ZC4H2: variants seen among roughly 807,000 people sequenced by gnomAD.
ZC4H2 encodes zinc finger C4H2 domain-containing protein.
For synonymous variants in ZC4H2, 84 were observed against 66.3 expected (o/e 1.27, Z -1.30); for missense variants, 137 against 173.9 (o/e 0.79, Z 1.19).
At chrX:64,993,339 T>G (rs1932346971) in intron 1 of ZC4H2, among the ~76,000 whole-genome samples, 1 of 111,799 alleles carries the variant, frequency 8.9e-6, no homozygotes, top group South Asian at 3.8e-4. Context: ...GATTTATTGA[T>G]TTTAGATCTT....
intron 1 of ZC4H2, among the ~76,000 whole-genome samples, chrX:64,941,395 G>C (rs979505729): frequency 9.0e-6 from 1 of 111,564 alleles, no homozygotes; most frequent in African/African-American, 3.3e-5. Flanking sequence ...TCCTTCTCTT[G>C]CCTGATTGCC....
intron 1 of ZC4H2, among the ~76,000 whole-genome samples, chrX:64,969,741 C>T: frequency 1.8e-5 from 2 of 111,805 alleles, no homozygotes; most frequent in Admixed American, 9.5e-5. Flanking sequence ...TAACCTCCTG[C>T]ATGGTCAAGT....
At chrX:64,965,688 C>A (rs1931561691) in intron 1 of ZC4H2, among the ~76,000 whole-genome samples, 1 of 110,817 alleles carries the variant, frequency 9.0e-6, no homozygotes, top group South Asian at 3.8e-4. Flanking sequence ...ATAATCAGAA[C>A]ACTTTGGGAA....
rs777251003 is a variant in ZC4H2 at position 64,929,039 on chromosome X, C to A, written c.54-7051G>T. The stretch of plus-strand genomic sequence containing the variant: ...AAATACCTGGGACCACAAGCATAAG[C>A]CACCGTGCCAGCTAATTTTTGTGTT... On this transcript the variant is annotated intron_variant, in intron 1 of 4. Coordinates refer to ENST00000374839, the MANE Select transcript of ZC4H2 (RefSeq NM_018684.4). Among the ~76,000 whole-genome samples the A allele has an allele frequency of 2.8e-5, 3 of 108,857 alleles. No homozygotes were observed. In the South Asian group the frequency reaches 1.2e-3, roughly 44 times the overall value. 94.5% of individuals were successfully genotyped at this position (108,857 alleles called of 115,157 possible).
At chrX:64,922,941 G>A (rs1288989548) in intron 1 of ZC4H2, among the ~76,000 whole-genome samples, 1 of 112,053 alleles carries the variant, frequency 8.9e-6, no homozygotes, top group African/African-American at 3.2e-5. Flanking sequence ...GAAGGGGAAA[G>A]GATATTATGG....
chrX:65,020,227 C>A (rs1029717835), intron 1 of ZC4H2, among the ~76,000 whole-genome samples: 4 of 111,224 alleles, frequency 3.6e-5, no homozygotes, highest in African/African-American at 6.5e-5. Context: ...CCCCAAGACA[C>A]ATAATCATCA....
At chrX:65,026,851 G>A (rs1196658172) in intron 1 of ZC4H2, among the ~76,000 whole-genome samples, 5 of 112,416 alleles carry the variant, frequency 4.4e-5, no homozygotes, top group African/African-American at 1.6e-4. Context: ...TTTCACTGCT[G>A]CATCTCTCTG....
At chrX:64,953,079 C>T (rs747203425) in intron 1 of ZC4H2, among the ~76,000 whole-genome samples, 87 of 112,009 alleles carry the variant, frequency 7.8e-4, no homozygotes, top group Non-Finnish European at 9.6e-4. Flanking sequence ...GGAAAGGATT[C>T]CCTATTTAAT....
intron 1 of ZC4H2, among the ~76,000 whole-genome samples, chrX:64,998,321 A>C (rs1269659094): frequency 1.8e-5 from 2 of 112,228 alleles, no homozygotes; most frequent in Non-Finnish European, 3.8e-5. Flanking sequence ...AAAGATGGAA[A>C]ATATATTCCA....
At chrX:64,928,061 T>C (rs1439132911) in intron 1 of ZC4H2, among the ~76,000 whole-genome samples, 2 of 111,627 alleles carry the variant, frequency 1.8e-5, no homozygotes, top group Non-Finnish European at 3.8e-5. Flanking sequence ...GCAAAAATTT[T>C]TTCTGTAGTT....
At chrX:64,950,076 T>C (rs1930725906) in intron 1 of ZC4H2, among the ~76,000 whole-genome samples, 1 of 112,135 alleles carries the variant, frequency 8.9e-6, no homozygotes, top group African/African-American at 3.2e-5. Context: ...TCAAAGAACA[T>C]CTTTATTTCT....
chrX:64,988,553 A>C (rs1602440273), intron 1 of ZC4H2, among the ~76,000 whole-genome samples: 1 of 109,853 alleles, frequency 9.1e-6, no homozygotes, highest in African/African-American at 3.3e-5. Flanking sequence ...GTGTCTGTTC[A>C]TATCCTTCGC....
intron 1 of ZC4H2, among the ~76,000 whole-genome samples, chrX:65,026,830 C>G (rs1302973831): frequency 2.7e-5 from 3 of 112,231 alleles, no homozygotes; most frequent in Admixed American, 9.4e-5. Flanking sequence ...GCTATCTGGA[C>G]ACTCTCCCTC....
intron 1 of ZC4H2, among the ~76,000 whole-genome samples, chrX:64,934,715 G>A (rs894241756): frequency 1.9e-4 from 21 of 111,917 alleles, no homozygotes; most frequent in East Asian, 1.4e-3. Flanking sequence ...GTGGGGCATC[G>A]CCTCAACTGG....
intron 1 of ZC4H2, among the ~76,000 whole-genome samples, chrX:64,937,614 T>A (rs776008296): frequency 3.6e-5 from 4 of 111,840 alleles, no homozygotes; most frequent in Non-Finnish European, 7.5e-5. Context: ...AAATTAGAAC[T>A]CAGAATTAAG....
chrX:64,971,814 A>G, intron 1 of ZC4H2, among the ~76,000 whole-genome samples: 1 of 111,970 alleles, frequency 8.9e-6, no homozygotes, highest in Non-Finnish European at 1.9e-5. Flanking sequence ...ATTTAAGAGT[A>G]CCTACTTAAC....
chrX:64,976,695 C>T (rs1451594414), upstream of ZC4H2, among the ~76,000 whole-genome samples: 1 of 111,536 alleles, frequency 9.0e-6, no homozygotes, highest in Non-Finnish European at 1.9e-5. Flanking sequence ...TCGTCTGGCC[C>T]GTGTGTGGGA....
intron 1 of ZC4H2, among the ~76,000 whole-genome samples, chrX:64,961,335 C>T (rs1404628360): frequency 9.0e-6 from 1 of 111,370 alleles, no homozygotes; most frequent in Non-Finnish European, 1.9e-5. Context: ...ATTACTATTT[C>T]TGGAAGTTCA....
At chrX:64,970,460 G>A (rs999375225) in intron 1 of ZC4H2, among the ~76,000 whole-genome samples, 6 of 97,091 alleles carry the variant, frequency 6.2e-5, no homozygotes, top group African/African-American at 2.2e-4. Context: ...CACCAATGGC[G>A]GAAGGAAAGG....
Sources: allele counts gnomAD v4.1 joint callset (sites outside exome capture counted in the v4.1 genomes callset), GRCh38; gene constraint gnomAD v4.1.1; transcripts MANE v1.5; gene names NCBI Gene and HGNC (gene_info 2026-07-23, HGNC 2026-07-21).